Variants in NBDY observed in about 807,000 individuals in gnomAD.
NBDY encodes P-body dissociating protein.
intron 2 of NBDY, among the ~76,000 whole-genome samples, chrX:56,790,671 C>A (rs1270969200): frequency 4.5e-5 from 5 of 111,910 alleles, no homozygotes; most frequent in Non-Finnish European, 9.4e-5. Context: ...ACTTTTAACT[C>A]CCATTACGTC....
At chrX:56,791,719 G>A (rs1175840625) in intron 2 of NBDY, among the ~76,000 whole-genome samples, 1 of 111,550 alleles carries the variant, frequency 9.0e-6, no homozygotes, top group East Asian at 2.8e-4. Context: ...TACTACAGTG[G>A]CATGGACCTT....
chrX:56,803,277 C>G (rs1162573955), intron 2 of NBDY, among the ~76,000 whole-genome samples: 1 of 111,977 alleles, frequency 8.9e-6, no homozygotes, highest in African/African-American at 3.2e-5. Context: ...CCCTGGCCAT[C>G]TCCAGGAATT....
intron 2 of NBDY, among the ~76,000 whole-genome samples, chrX:56,767,359 G>C (rs749654963): frequency 8.8e-6 from 1 of 113,207 alleles, no homozygotes; most frequent in South Asian, 3.6e-4. Flanking sequence ...CTCGCTCTCG[G>C]CGCCCCCTCG....
At chrX:56,734,891 C>T (rs2069478769) in intron 2 of NBDY, among the ~76,000 whole-genome samples, 2 of 112,399 alleles carry the variant, frequency 1.8e-5, no homozygotes, top group Non-Finnish European at 3.8e-5. Context: ...AGTTAATTTT[C>T]ACAACTGTGT....
chrX:56,753,969 G>A (rs2146719845), intron 2 of NBDY, among the ~76,000 whole-genome samples: 1 of 111,385 alleles, frequency 9.0e-6, no homozygotes, highest in Non-Finnish European at 1.9e-5. Context: ...AATTTGAGCT[G>A]TGATGAGTAG....
chrX:56,749,006 G>T (rs2069570450), intron 2 of NBDY, among the ~76,000 whole-genome samples: 1 of 109,200 alleles, frequency 9.2e-6, no homozygotes, highest in East Asian at 2.9e-4. Flanking sequence ...AGAGACTGAA[G>T]ATATAGGACA....
chrX:56,739,748 T>C (rs2069522751), intron 2 of NBDY, among the ~76,000 whole-genome samples: 1 of 111,044 alleles, frequency 9.0e-6, no homozygotes, highest in Admixed American at 9.6e-5. Context: ...ATTAATCCAC[T>C]TTACAGTTAT....
intron 2 of NBDY, among the ~76,000 whole-genome samples, chrX:56,810,456 C>T (rs925333340): frequency 9.1e-6 from 1 of 110,365 alleles, no homozygotes; most frequent in African/African-American, 3.3e-5. Flanking sequence ...TCTTGTTACT[C>T]TTTTTTCTCT....
chrX:56,795,600 C>T (rs1411729748), intron 2 of NBDY, among the ~76,000 whole-genome samples: 1 of 111,879 alleles, frequency 8.9e-6, no homozygotes, highest in Non-Finnish European at 1.9e-5. Flanking sequence ...AAAATTTACC[C>T]CATGGGTAAT....
chrX:56,765,460 T>C (rs1191252694), intron 2 of NBDY, among the ~76,000 whole-genome samples: 2 of 112,114 alleles, frequency 1.8e-5, no homozygotes, highest in South Asian at 3.7e-4. Context: ...GGATCAAAGC[T>C]TTTGATCTTA....
rs746841896 is a variant in NBDY at position 56,764,599 on chromosome X, C to G, written c.*166+32400C>G. 1.1e-3 allele frequency among the ~76,000 whole-genome samples: 118 copies of G among 108,884 alleles called. 1 individual carries two copies. Among genetic ancestry groups the G allele is most frequent in the Non-Finnish European group, 1.7e-3 (88 of 52,353 alleles). The allele number at this position is 108,884 out of a possible 115,157, so 94.6% of individuals were successfully genotyped here. ...ATCCTGTTGTGTTCAGAAACAACTT[C>G]CACTAGATGGCAATGTGGCTCCACA... On this transcript the variant is annotated intron_variant, in intron 2 of 2. Transcript: ENST00000374922.
At chrX:56,816,972 G>A (rs7058111) in intron 2 of NBDY, among the ~76,000 whole-genome samples, 4,137 of 111,351 alleles carry the variant, frequency 0.037, 173 homozygotes, top group African/African-American at 0.13. Flanking sequence ...GGAACAATGA[G>A]GCTGATTGAT....
intron 2 of NBDY, among the ~76,000 whole-genome samples, chrX:56,816,381 G>A (rs937440125): frequency 9.0e-5 from 10 of 111,072 alleles, no homozygotes; most frequent in Non-Finnish European, 1.9e-4. Flanking sequence ...TATCTCTATC[G>A]TAATTTTAAT....
At chrX:56,785,877 C>T (rs2069724782) in intron 2 of NBDY, among the ~76,000 whole-genome samples, 1 of 111,464 alleles carries the variant, frequency 9.0e-6, no homozygotes, top group Admixed American at 9.5e-5. Context: ...CCTTCACTGT[C>T]TTTACATTTT....
At chrX:56,762,938 G>T (rs937354963) in intron 2 of NBDY, among the ~76,000 whole-genome samples, 6 of 111,371 alleles carry the variant, frequency 5.4e-5, no homozygotes, top group Admixed American at 1.9e-4. Context: ...GGGGCACAGG[G>T]GTGCAGGCCC....
Position 56,761,787 on chromosome X carries a change from G to C in NBDY, c.*166+29588G>C, listed in dbSNP as rs188656691. Among the ~76,000 whole-genome samples the C allele has an allele frequency of 1.1e-3, 125 of 112,445 alleles. 3 individuals are homozygous for C. The highest frequency in any genetic ancestry group is 2.4e-4 in the Non-Finnish European group (13 of 53,247). ...ATTAGAAAGACCTCAGTTGACTCCT[G>C]CCAGATGTAATCGGGGTGCCCCTCT... On this transcript the variant is annotated intron_variant, in intron 2 of 2. Transcript: ENST00000374922.
intron 2 of NBDY, among the ~76,000 whole-genome samples, chrX:56,808,950 G>A: frequency 8.9e-6 from 1 of 112,412 alleles, no homozygotes; most frequent in Non-Finnish European, 1.9e-5. Context: ...TGAGATTCTG[G>A]TACGTTGTGT....
chrX:56,755,878 C>A (rs2069608229), intron 2 of NBDY, among the ~76,000 whole-genome samples: 1 of 105,163 alleles, frequency 9.5e-6, no homozygotes, highest in Non-Finnish European at 2.0e-5. Flanking sequence ...ATAGCAAAGA[C>A]TTGGAACCAA....
At position 56,756,067 on chromosome X, in the gene NBDY, C is replaced by T. The variant is rs2069609356; in HGVS notation, c.*166+23868C>T. ...CAAAAAACCAAACACTGCATGTTCTCACTCATAGGTGGGAATTGAACAATG... is the reference window on the plus strand; with the variant it reads ...CAAAAAACCAAACACTGCATGTTCTTACTCATAGGTGGGAATTGAACAATG... On this transcript the variant is annotated intron_variant, in intron 2 of 2. Transcript: ENST00000374922. Among the ~76,000 whole-genome samples the T allele has an allele frequency of 6.0e-5, 6 of 99,755 alleles. No individual in the cohort carries two copies. In the South Asian group the frequency reaches 3.0e-3, roughly 50 times the overall value. The allele number at this position is 99,755 out of a possible 115,157, so 86.6% of individuals were successfully genotyped here. A position where few individuals can be genotyped will look rare whatever the true frequency, so the allele number is the denominator to read the frequency against.
Sources: gnomAD v4.1 joint callset for allele counts (sites outside exome capture counted in the v4.1 genomes callset) on GRCh38, gnomAD v4.1.1 for gene constraint, MANE v1.5 for transcripts, NCBI Gene and HGNC (gene_info 2026-07-23, HGNC 2026-07-21) for gene names.